The following GLRA3 variants were observed in gnomAD, a reference collection of about 807,000 sequenced individuals.
GLRA3 encodes glycine receptor subunit alpha-3.
GLRA3 carries 44 observed loss-of-function variants against 60.4 expected under a neutral mutation model. The ratio of observed to expected loss-of-function variants is 0.73; its 90% CI spans 0.57 to 0.94. The LOEUF is 0.94. Among genes scored for constraint, GLRA3 ranks in the 40% least tolerant of loss-of-function variants. GLRA3 has a pLI of 0.00. For missense variants in GLRA3, 508 were observed against 564.6 expected (o/e 0.90, Z 1.02); for synonymous variants, 223 against 192.9 (o/e 1.16, Z -1.29).
intron 1 of GLRA3, among the ~76,000 whole-genome samples, chr4:174,818,767 T>A (rs77441141): frequency 0.081 from 12,331 of 152,244 alleles, 508 homozygotes; most frequent in African/African-American, 0.091. Context: ...AGTTAAGGAC[T>A]CAGAGGTCCA....
chr4:174,746,915 A>C (rs1314285262), intron 3 of GLRA3, among the ~76,000 whole-genome samples: 3 of 152,198 alleles, frequency 2.0e-5, no homozygotes, highest in African/African-American at 7.2e-5. Context: ...TTTTTGCACC[A>C]ACCTAATATA....
chr4:174,773,774 C>T (rs1427830986), intron 2 of GLRA3, among the ~76,000 whole-genome samples: 1 of 152,120 alleles, frequency 6.6e-6, no homozygotes, highest in Non-Finnish European at 1.5e-5. Flanking sequence ...TGTTCTTCCC[C>T]TTTCTCTTTC....
At chr4:174,823,253 A>G (rs926701277) in intron 1 of GLRA3, among the ~76,000 whole-genome samples, 2 of 152,056 alleles carry the variant, frequency 1.3e-5, no homozygotes, top group Admixed American at 1.3e-4. Context: ...CAAAAAAAAA[A>G]TGTATTTCCA....
chr4:174,651,727 C>A (rs968474036), intron 9 of GLRA3, among the ~76,000 whole-genome samples: 1 of 152,124 alleles, frequency 6.6e-6, no homozygotes, highest in African/African-American at 2.4e-5. Context: ...TCCTCACTGT[C>A]TTATTATTAC....
chr4:174,721,007 T>TTGTGTG (rs10639932), intron 4 of GLRA3, among the ~76,000 whole-genome samples: 17,856 of 141,346 alleles, frequency 0.13, 1,267 homozygotes, highest in South Asian at 0.21. Flanking sequence ...TGTGTGAACT[T>TTGTGTG]TGTGTGTGTG....
intron 4 of GLRA3, among the ~76,000 whole-genome samples, chr4:174,724,758 C>T (rs915269379): frequency 4.6e-5 from 7 of 152,024 alleles, no homozygotes; most frequent in African/African-American, 1.7e-4. Flanking sequence ...TTTGATTTCC[C>T]CTTTATTCCC....
chr4:174,772,054 C>A (rs769548055), intron 2 of GLRA3, among the ~76,000 whole-genome samples: 3 of 152,266 alleles, frequency 2.0e-5, no homozygotes, highest in Non-Finnish European at 4.4e-5. Context: ...GAGGAGCAAA[C>A]TTCTGATATA....
chr4:174,648,171 A>G (rs957705123), intron 9 of GLRA3, among the ~76,000 whole-genome samples: 11 of 152,240 alleles, frequency 7.2e-5, no homozygotes, highest in Admixed American at 7.2e-4. Context: ...GTATAAATCT[A>G]TGTTGAGGAC....
chr4:174,789,003 C>T, intron 1 of GLRA3, 60 bp from the exon 2 acceptor site: 1 of 1,092,946 alleles, frequency 9.1e-7, no homozygotes, highest in South Asian at 1.6e-5. Flanking sequence ...TAATTGTTAC[C>T]TACAAATATA....
chr4:174,670,514 T>C (rs1276669691), intron 7 of GLRA3, among the ~76,000 whole-genome samples: 5 of 152,182 alleles, frequency 3.3e-5, no homozygotes, highest in African/African-American at 9.7e-5. Context: ...GTGGATGACA[T>C]TGTTTACGTA....
chr4:174,719,210 G>A (rs1371431956), intron 4 of GLRA3, among the ~76,000 whole-genome samples: 2 of 151,878 alleles, frequency 1.3e-5, no homozygotes, highest in African/African-American at 2.4e-5. Context: ...TGATCCGCCC[G>A]CCTCGGCCTC....
At chr4:174,815,874 A>G (rs755258374) in intron 1 of GLRA3, among the ~76,000 whole-genome samples, 14 of 152,136 alleles carry the variant, frequency 9.2e-5, no homozygotes, top group Non-Finnish European at 1.2e-4. Context: ...GGTGACTAAC[A>G]TTTGGCTTCC....
chr4:174,687,707 TA>T (rs1369432520), intron 5 of GLRA3, among the ~76,000 whole-genome samples: 1 of 152,124 alleles, frequency 6.6e-6, no homozygotes, highest in Non-Finnish European at 1.5e-5. Context: ...TCCCAATACT[TA>T]AGAGATTTTT....
intron 2 of GLRA3, among the ~76,000 whole-genome samples, chr4:174,768,307 C>G (rs148286960): frequency 5.9e-4 from 90 of 152,252 alleles, no homozygotes; most frequent in African/African-American, 2.1e-3. Context: ...AAACACTCTT[C>G]AGGTTGTTGT....
At chr4:174,692,247 GCCCCAT>G (rs1734859112) in intron 5 of GLRA3, among the ~76,000 whole-genome samples, 3 of 148,898 alleles carry the variant, frequency 2.0e-5, no homozygotes, top group Non-Finnish European at 3.0e-5. Flanking sequence ...CAGGCCAGCC[GCCCCAT>G]CCGCGAGGGA....
intron 5 of GLRA3, among the ~76,000 whole-genome samples, chr4:174,705,779 T>C (rs1368782642): frequency 1.1e-5 from 1 of 93,446 alleles, no homozygotes; most frequent in Non-Finnish European, 2.4e-5. Flanking sequence ...GAATTTCTAG[T>C]GATAACAAGT....
chr4:174,711,300 T>A (rs1200541471), intron 5 of GLRA3, among the ~76,000 whole-genome samples: 3 of 151,702 alleles, frequency 2.0e-5, no homozygotes, highest in Non-Finnish European at 4.4e-5. Flanking sequence ...CTCTATGATT[T>A]GTTTTGTTCA....
At chr4:174,661,128 C>G (rs536523585) in intron 7 of GLRA3, among the ~76,000 whole-genome samples, 2 of 152,008 alleles carry the variant, frequency 1.3e-5, no homozygotes, top group South Asian at 4.1e-4. Flanking sequence ...TAAGTGGTAT[C>G]GTTTCTAGGC....
chr4:174,681,031 T>C (rs1399584111), intron 6 of GLRA3, among the ~76,000 whole-genome samples: 5 of 152,176 alleles, frequency 3.3e-5, no homozygotes. Context: ...GAGGACTCTA[T>C]GAGATGCTTT....
Sources: allele counts gnomAD v4.1 joint callset (sites outside exome capture counted in the v4.1 genomes callset), GRCh38; gene constraint gnomAD v4.1.1; transcripts MANE v1.5; gene names NCBI Gene and HGNC (gene_info 2026-07-23, HGNC 2026-07-21).